The following SKAP2 variants were observed in gnomAD, a reference collection of about 807,000 sequenced individuals.
The protein encoded by SKAP2 is src kinase-associated phosphoprotein 2.
A neutral mutation model predicts 54.9 loss-of-function variants in SKAP2; 28 were observed. The observed-to-expected ratio is 0.51, with a 90% CI of 0.38 to 0.70. SKAP2 has a LOEUF of 0.70. Ranked by LOEUF, SKAP2 falls within the 30% of genes least tolerant of loss-of-function variation. The pLI is 0.00. For synonymous variants in SKAP2, 137 were observed against 134.3 expected (o/e 1.02, Z -0.14); for missense variants, 356 against 424.1 (o/e 0.84, Z 1.41).
chr7:26,853,925 A>T (rs1242196732), intron 3 of SKAP2, among the ~76,000 whole-genome samples: 3 of 152,182 alleles, frequency 2.0e-5, no homozygotes, highest in African/African-American at 7.2e-5. Flanking sequence ...AGATTTCCGC[A>T]TCAGAAGACT....
At chr7:26,690,784 C>G (rs1786764514) in intron 9 of SKAP2, among the ~76,000 whole-genome samples, 1 of 152,158 alleles carries the variant, frequency 6.6e-6, no homozygotes, top group Admixed American at 6.5e-5. Context: ...ACTGATACAC[C>G]ACATTGTACT....
intron 4 of SKAP2, among the ~76,000 whole-genome samples, chr7:26,839,704 T>C (rs1784782508): frequency 6.6e-6 from 1 of 152,028 alleles, no homozygotes; most frequent in South Asian, 2.1e-4. Flanking sequence ...TCTACTGATA[T>C]GAGAGAAAAG....
chr7:26,698,425 A>G (rs1254635767), intron 9 of SKAP2, among the ~76,000 whole-genome samples: 3 of 152,218 alleles, frequency 2.0e-5, no homozygotes, highest in Non-Finnish European at 4.4e-5. Flanking sequence ...GATGTTGCAG[A>G]GCAATGATGG....
At chr7:26,750,586 T>C (rs1782660211) in intron 4 of SKAP2, among the ~76,000 whole-genome samples, 2 of 152,092 alleles carry the variant, frequency 1.3e-5, no homozygotes, top group Admixed American at 6.6e-5. Context: ...GCTAGGATTA[T>C]AGGTGTGAGC....
At chr7:26,858,998 A>G (rs1189982076) in intron 1 of SKAP2, among the ~76,000 whole-genome samples, 1 of 152,066 alleles carries the variant, frequency 6.6e-6, no homozygotes, top group Non-Finnish European at 1.5e-5. Flanking sequence ...CCATGCATAT[A>G]CACACACTCA....
chr7:26,793,660 G>A (rs879344140), intron 4 of SKAP2, among the ~76,000 whole-genome samples: 4 of 152,130 alleles, frequency 2.6e-5, no homozygotes, highest in Non-Finnish European at 4.4e-5. Flanking sequence ...CCACCAACAG[G>A]CTGTATGACT....
chr7:26,665,359 TCTCA>T (rs1786087773), downstream of SKAP2, among the ~76,000 whole-genome samples: 1 of 152,134 alleles, frequency 6.6e-6, no homozygotes, highest in Admixed American at 6.6e-5. Context: ...TTATTCACAA[TCTCA>T]CTCAATTCTG....
intron 10 of SKAP2, 146 bp downstream of exon 10, chr7:26,690,139 A>G (rs532619891): frequency 1.6e-6 from 1 of 607,476 alleles, no homozygotes; most frequent in African/African-American, 1.9e-5. Flanking sequence ...AATGGGACTA[A>G]GCAGCTTATC....
intron 4 of SKAP2, among the ~76,000 whole-genome samples, chr7:26,829,065 A>T (rs1465297499): frequency 6.6e-6 from 1 of 152,138 alleles, no homozygotes; most frequent in Non-Finnish European, 1.5e-5. Context: ...TAATAAAAGA[A>T]AACACAGATA....
At chr7:26,829,100 AC>A (rs2127992053) in intron 4 of SKAP2, among the ~76,000 whole-genome samples, 1 of 152,298 alleles carries the variant, frequency 6.6e-6, no homozygotes, top group Non-Finnish European at 1.5e-5. Context: ...AAAATGCAAA[AC>A]TTTTGTGCTT....
At chr7:26,680,965 A>G (rs1351810766) in intron 11 of SKAP2, among the ~76,000 whole-genome samples, 1 of 152,202 alleles carries the variant, frequency 6.6e-6, no homozygotes, top group Non-Finnish European at 1.5e-5. Context: ...TATAACTTTC[A>G]AAAGAGGCCT....
chr7:26,677,227 C>T (rs1177683822), intron 11 of SKAP2, among the ~76,000 whole-genome samples: 1 of 151,890 alleles, frequency 6.6e-6, no homozygotes, highest in East Asian at 1.9e-4. Flanking sequence ...CCTATGTCTA[C>T]TAAAAATACA....
At chr7:26,704,926 A>G (rs556825074) in intron 9 of SKAP2, among the ~76,000 whole-genome samples, 29 of 152,356 alleles carry the variant, frequency 1.9e-4, no homozygotes, top group African/African-American at 6.7e-4. Flanking sequence ...TCCAGAAATA[A>G]AGCCAACATC....
intron 4 of SKAP2, among the ~76,000 whole-genome samples, chr7:26,813,403 C>A (rs993452120): frequency 2.6e-5 from 4 of 152,116 alleles, no homozygotes; most frequent in African/African-American, 9.7e-5. Context: ...TTTTTTAAAG[C>A]CAACAACAAC....
chr7:26,823,475 G>C (rs945353822), intron 4 of SKAP2, among the ~76,000 whole-genome samples: 4 of 149,334 alleles, frequency 2.7e-5, no homozygotes, highest in African/African-American at 9.8e-5. Context: ...CCTAATTACT[G>C]ATATGGAGAA....
intron 6 of SKAP2, among the ~76,000 whole-genome samples, chr7:26,728,708 T>C (rs1209547318): frequency 6.6e-6 from 1 of 152,046 alleles, no homozygotes; most frequent in Non-Finnish European, 1.5e-5. Flanking sequence ...ATCTACTAAA[T>C]TGCAAAAGGA....
chr7:26,861,403 C>T lies in SKAP2; in HGVS notation c.67+2960G>A, dbSNP rs1785268582. Among the ~76,000 whole-genome samples the T allele has an allele frequency of 3.3e-5, 5 of 152,074 alleles. No homozygotes were observed. The South Asian group carries it at 1.0e-3, about 31-fold the overall frequency. On this transcript the variant is annotated intron_variant, in intron 1 of 12. Coordinates refer to ENST00000345317, the MANE Select transcript of SKAP2 (RefSeq NM_003930.5). ...AGAAAAGAAAAAAATCAAAGGTTGC[C>T]TGTAATGCATATGGCAGCTCAAAAT...
At chr7:26,767,405 C>A (rs1192525104) in intron 4 of SKAP2, among the ~76,000 whole-genome samples, 2 of 152,030 alleles carry the variant, frequency 1.3e-5, no homozygotes, top group African/African-American at 4.8e-5. Context: ...TTAATCTTTT[C>A]AAAAAACCAG....
chr7:26,804,911 C>A (rs1044052572), intron 4 of SKAP2, among the ~76,000 whole-genome samples: 1 of 151,872 alleles, frequency 6.6e-6, no homozygotes, highest in Admixed American at 6.6e-5. Context: ...GATTAACAGC[C>A]AATGTATAAA....
Sources: gnomAD v4.1 joint callset for allele counts (sites outside exome capture counted in the v4.1 genomes callset) on GRCh38, gnomAD v4.1.1 for gene constraint, MANE v1.5 for transcripts, NCBI Gene and HGNC (gene_info 2026-07-23, HGNC 2026-07-21) for gene names.